The following BIRC6 variants were observed in gnomAD, a reference collection of about 807,000 sequenced individuals.
BIRC6 encodes the protein dual E2 ubiquitin-conjugating enzyme/E3 ubiquitin-protein ligase BIRC6.
BIRC6 carries 98 observed loss-of-function variants against 503.3 expected under a neutral mutation model. The ratio of observed to expected loss-of-function variants is 0.19; its 90% confidence interval spans 0.17 to 0.23. The LOEUF (loss-of-function observed/expected upper bound fraction) is 0.23, where lower values mean the gene tolerates loss of function less well. BIRC6 is among the 10% of genes least tolerant of loss of function. BIRC6 has a pLI of 1.00. For synonymous variants in BIRC6, 2,240 were observed against 2,078.7 expected (o/e 1.08, Z -2.11); for missense variants, 5,360 against 5,806.0 (o/e 0.92, Z 2.50).
intron 1 of BIRC6, among the ~76,000 whole-genome samples, chr2:32,359,960 G>A (rs1266018017): frequency 1.3e-5 from 2 of 152,142 alleles, no homozygotes; most frequent in Admixed American, 6.6e-5. Context: ...TGCATTTTAT[G>A]TTTTACTTAG....
At chr2:32,478,855 T>C in intron 36 of BIRC6, 37 bp downstream of exon 36, 1 of 1,591,098 alleles carries the variant, frequency 6.3e-7, no homozygotes, top group Non-Finnish European at 8.6e-7. Flanking sequence ...TATGTCAAAA[T>C]TACCTTGTCA....
intron 1 of BIRC6, 92 bp from the exon 2 acceptor site, chr2:32,377,496 A>T (rs1287219708): frequency 2.0e-6 from 2 of 1,018,764 alleles, no homozygotes; most frequent in African/African-American, 1.7e-5. Flanking sequence ...AATTCAGGAT[A>T]ATATATTGTG....
chr2:32,616,287 C>G (rs2063232309), intron 73 of BIRC6, among the ~76,000 whole-genome samples: 1 of 151,788 alleles, frequency 6.6e-6, no homozygotes, highest in South Asian at 2.1e-4. Context: ...AATCTGGGTA[C>G]AGATTCACAC....
At chr2:32,365,562 A>C (rs1368981079) in intron 1 of BIRC6, among the ~76,000 whole-genome samples, 1 of 151,910 alleles carries the variant, frequency 6.6e-6, no homozygotes, top group Non-Finnish European at 1.5e-5. Context: ...CTTGTGATCC[A>C]CTCGCCTCGG....
intron 59 of BIRC6, chr2:32,529,441 A>C: frequency 2.3e-6 from 1 of 428,694 alleles, no homozygotes; most frequent in African/African-American, 2.0e-5. Context: ...TGACTTTTTA[A>C]CACTTTCACA....
chr2:32,547,809 A>T, intron 63 of BIRC6, 41 bp from the exon 64 acceptor site: 1 of 1,465,430 alleles, frequency 6.8e-7, no homozygotes, highest in Non-Finnish European at 9.1e-7. Context: ...AAGATAAGCA[A>T]AAACAAATTG....
At position 32,480,915 on chromosome 2, in the gene BIRC6, C is replaced by T. The variant is rs569321401; in HGVS notation, c.7409-405C>T. Among the ~76,000 whole-genome samples the T allele has an allele frequency of 7.2e-5, 11 of 152,280 alleles. No homozygotes were observed. In the East Asian group the frequency reaches 1.9e-3, roughly 27 times the overall value. On this transcript the variant is annotated intron_variant, in intron 37 of 73. Coordinates refer to ENST00000421745, the MANE Select transcript of BIRC6 (RefSeq NM_016252.4). ...TCGGCCTCCCAAAGTGCTGGGATTACAGGTGGGAGCCACCATGCCTGGCCG... is the reference window on the plus strand; with the variant it reads ...TCGGCCTCCCAAAGTGCTGGGATTATAGGTGGGAGCCACCATGCCTGGCCG...
At chr2:32,609,805 A>G (rs1252001835) in intron 72 of BIRC6, among the ~76,000 whole-genome samples, 1 of 151,720 alleles carries the variant, frequency 6.6e-6, no homozygotes, top group Non-Finnish European at 1.5e-5. Flanking sequence ...TTCAGGAAGG[A>G]TAAACACAGG....
chr2:32,369,922 C>T (rs200829085), intron 1 of BIRC6, among the ~76,000 whole-genome samples: 1 of 40,666 alleles, frequency 2.5e-5, no homozygotes, highest in Non-Finnish European at 4.1e-5. Context: ...GAGACCCTGT[C>T]TCTTAAAAAA....
chr2:32,422,548 C>T (rs1479653388), intron 10 of BIRC6, among the ~76,000 whole-genome samples: 1 of 152,180 alleles, frequency 6.6e-6, no homozygotes, highest in Non-Finnish European at 1.5e-5. Context: ...CTCCTCCCCT[C>T]TCCCAAACTC....
At chr2:32,503,526 C>G (rs527895545) in intron 49 of BIRC6, among the ~76,000 whole-genome samples, 2 of 152,054 alleles carry the variant, frequency 1.3e-5, no homozygotes, top group Admixed American at 1.3e-4. Flanking sequence ...TGGGTTCAAG[C>G]GATTCCTGCC....
intron 66 of BIRC6, among the ~76,000 whole-genome samples, chr2:32,578,848 ACT>A (rs1454451633): frequency 6.6e-6 from 1 of 151,246 alleles, no homozygotes; most frequent in East Asian, 1.9e-4. Flanking sequence ...TGTATCACAC[ACT>A]CAGAAACATT....
chr2:32,478,918 AC>A, intron 36 of BIRC6, 100 bp downstream of exon 36: 1 of 1,153,550 alleles, frequency 8.7e-7, no homozygotes, highest in Non-Finnish European at 1.2e-6. Context: ...GGGATCTTTA[AC>A]CCCCTAAAAG....
At chr2:32,561,221 A>G (rs1454948385) in intron 65 of BIRC6, among the ~76,000 whole-genome samples, 1 of 151,014 alleles carries the variant, frequency 6.6e-6, no homozygotes, top group Non-Finnish European at 1.5e-5. Context: ...TTGACCTCCA[A>G]GTAACATACT....
At chr2:32,469,349 C>A in intron 29 of BIRC6, 46 bp from the exon 30 acceptor site, 1 of 1,386,016 alleles carries the variant, frequency 7.2e-7, no homozygotes, top group Non-Finnish European at 1.0e-6. Flanking sequence ...TAATATTATA[C>A]AATACATTTA....
Position 32,464,518 on chromosome 2 carries a change from C to G in BIRC6, c.4951C>G (p.Leu1651Val). The change falls in exon 25 of 74, where the codon CTG (leucine) becomes GTG (valine). Residue 1651 changes from leucine (L) to valine (V), a missense_variant. Leu to Val is a conservative substitution (Grantham distance 32). Transcript: ENST00000421745. ...LLKLQQQKAK[L>V]EAKLHQTTAA... ...TTTACTTCTTTTGCAGAAAGCAAAG[C>G]TGGAAGCCAAGTTACATCAGACAAC... The G allele has an allele frequency of 1.3e-6, 2 of 1,567,512 alleles. No homozygotes were observed. The highest frequency in any genetic ancestry group is 1.7e-6 in the Non-Finnish European group (2 of 1,155,220).
chr2:32,362,510 G>C (rs189104149), intron 1 of BIRC6, among the ~76,000 whole-genome samples: 15 of 151,720 alleles, frequency 9.9e-5, no homozygotes, highest in African/African-American at 2.7e-4. Flanking sequence ...AGTAGAGATG[G>C]GGTTTTACCA....
intron 57 of BIRC6, among the ~76,000 whole-genome samples, chr2:32,524,194 C>T (rs541535305): frequency 6.6e-6 from 1 of 152,204 alleles, no homozygotes; most frequent in African/African-American, 2.4e-5. Flanking sequence ...TAGTGGTGTG[C>T]TGTATGCCAC....
intron 66 of BIRC6, among the ~76,000 whole-genome samples, chr2:32,577,402 T>G (rs1241371677): frequency 6.6e-6 from 1 of 152,180 alleles, no homozygotes; most frequent in Non-Finnish European, 1.5e-5. Context: ...TTTTGTCTTT[T>G]AGATGAAAAA....
Sources: allele counts gnomAD v4.1 joint callset (sites outside exome capture counted in the v4.1 genomes callset), GRCh38; gene constraint gnomAD v4.1.1; transcripts MANE v1.5; gene names NCBI Gene and HGNC (gene_info 2026-07-23, HGNC 2026-07-21).